The following AKAP19 variants were observed in gnomAD, a reference collection of about 807,000 sequenced individuals.
AKAP19 encodes A-kinase anchoring protein 19.
chr2:190,029,106 G>A, the AKAP19 span, among the ~76,000 whole-genome samples: 3 of 151,640 alleles, frequency 2.0e-5, no homozygotes, highest in African/African-American at 4.8e-5. Context: ...AGGCTGGAGT[G>A]CAATGGTGTG....
the AKAP19 span, chr2:190,057,322 C>A: frequency 6.2e-7 from 1 of 1,613,392 alleles, no homozygotes; most frequent in East Asian, 2.2e-5. Flanking sequence ...TTGTTCTTTG[C>A]CATTAAAATA....
the AKAP19 span, among the ~76,000 whole-genome samples, chr2:189,976,773 A>G: frequency 6.6e-6 from 1 of 152,164 alleles, no homozygotes. Flanking sequence ...GGACACTCTG[A>G]GCCAGGTGCG....
At chr2:190,157,386 A>ACG in the AKAP19 span, among the ~76,000 whole-genome samples, 1 of 149,092 alleles carries the variant, frequency 6.7e-6, no homozygotes, top group Non-Finnish European at 1.5e-5. Context: ...ACACACACAC[A>ACG]CACACACATA....
At chr2:190,059,858 T>C in the AKAP19 span, among the ~76,000 whole-genome samples, 5 of 151,976 alleles carry the variant, frequency 3.3e-5, no homozygotes, top group African/African-American at 4.8e-5. Context: ...AAAATCTTGA[T>C]GCAAAGTAAG....
At chr2:190,069,949 T>C in the AKAP19 span, among the ~76,000 whole-genome samples, 21,119 of 152,256 alleles carry the variant, frequency 0.14, 1,616 homozygotes, top group Middle Eastern at 0.27. Context: ...TAAATTAGAA[T>C]TAAATGAAGA....
At chr2:189,943,085 A>G in the AKAP19 span, among the ~76,000 whole-genome samples, 2 of 152,238 alleles carry the variant, frequency 1.3e-5, no homozygotes, top group Non-Finnish European at 2.9e-5. Context: ...ATGCAGCTAA[A>G]AGAGAGCCAA....
the AKAP19 span, among the ~76,000 whole-genome samples, chr2:190,069,554 G>C: frequency 6.6e-6 from 1 of 152,130 alleles, no homozygotes; most frequent in African/African-American, 2.4e-5. Flanking sequence ...TTTGAAGGTA[G>C]TAATAGCCTT....
chr2:190,110,703 G>T, the AKAP19 span, among the ~76,000 whole-genome samples: 7 of 152,146 alleles, frequency 4.6e-5, no homozygotes, highest in Middle Eastern at 3.2e-3. Context: ...GATTTACCTT[G>T]TCTCAGGAAT....
At chr2:189,923,208 C>T in the AKAP19 span, 3 of 849,648 alleles carry the variant, frequency 3.5e-6, no homozygotes, top group East Asian at 2.6e-5. Context: ...CGGTTGCGGC[C>T]GCGTTGCCGA....
At chr2:190,027,746 G>A in the AKAP19 span, among the ~76,000 whole-genome samples, 1 of 152,192 alleles carries the variant, frequency 6.6e-6, no homozygotes, top group Non-Finnish European at 1.5e-5. Context: ...CATCAGTGGT[G>A]TTTGATTATC....
chr2:190,098,094 A>G, the AKAP19 span, among the ~76,000 whole-genome samples: 2 of 152,042 alleles, frequency 1.3e-5, no homozygotes, highest in South Asian at 4.1e-4. Context: ...GAATGTTGAG[A>G]GTTTGATCTC....
the AKAP19 span, among the ~76,000 whole-genome samples, chr2:189,957,275 C>T: frequency 6.6e-6 from 1 of 152,196 alleles, no homozygotes; most frequent in South Asian, 2.1e-4. Flanking sequence ...TCTATTTTCT[C>T]TGACTCTTAC....
At chr2:190,067,109 A>T in the AKAP19 span, among the ~76,000 whole-genome samples, 37 of 152,284 alleles carry the variant, frequency 2.4e-4, no homozygotes, top group African/African-American at 8.7e-4. Flanking sequence ...CAGTTATATC[A>T]TTAATATTTA....
the AKAP19 span, among the ~76,000 whole-genome samples, chr2:190,188,052 A>G: frequency 6.6e-6 from 1 of 152,156 alleles, no homozygotes; most frequent in Non-Finnish European, 1.5e-5. Flanking sequence ...ATGTGTATAT[A>G]TGTGTCTGTG....
the AKAP19 span, among the ~76,000 whole-genome samples, chr2:189,881,111 AAAAC>A: frequency 3.7e-4 from 56 of 152,208 alleles, no homozygotes; most frequent in African/African-American, 1.2e-3. Flanking sequence ...GTACTGAAAA[AAAAC>A]AAATTTTACT....
chr2:190,010,765 A>G, the AKAP19 span, among the ~76,000 whole-genome samples: 1 of 152,180 alleles, frequency 6.6e-6, no homozygotes, highest in East Asian at 1.9e-4. Context: ...AGAAACTATA[A>G]TCGTATATAT....
chr2:190,201,724 G>A, the AKAP19 span: 27 of 166,838 alleles, frequency 1.6e-4, no homozygotes, highest in African/African-American at 3.9e-4. Context: ...ACCGAGTCCC[G>A]GGATTTGTAC....
the AKAP19 span, among the ~76,000 whole-genome samples, chr2:189,979,820 G>T: frequency 0.016 from 2,392 of 152,172 alleles, 54 homozygotes; most frequent in African/African-American, 0.055. Context: ...ATGAAAAAAT[G>T]CTCCACATCA....
At chr2:190,187,820 T>G in the AKAP19 span, among the ~76,000 whole-genome samples, 1 of 152,202 alleles carries the variant, frequency 6.6e-6, no homozygotes, top group South Asian at 2.1e-4. Flanking sequence ...GCCACTGTAC[T>G]CCAGCCCAGG....
Sources: allele counts gnomAD v4.1 joint callset (sites outside exome capture counted in the v4.1 genomes callset), GRCh38; gene constraint gnomAD v4.1.1; transcripts MANE v1.5; gene names NCBI Gene and HGNC (gene_info 2026-07-23, HGNC 2026-07-21).